The following PTCD3 variants were observed in gnomAD, a reference collection of about 807,000 sequenced individuals.
The protein encoded by PTCD3 is pentatricopeptide repeat domain 3, also known as small ribosomal subunit protein mS39.
In PTCD3, 89 loss-of-function variants were observed where a neutral mutation model predicts 101.9. That is an observed-to-expected ratio of 0.87 (90% CI 0.74 to 1.04). PTCD3 has a LOEUF of 1.04. Among genes scored for constraint, PTCD3 ranks in the 50% least tolerant of loss-of-function variants. The pLI is 0.00. For missense variants in PTCD3, 870 were observed against 828.2 expected (o/e 1.05, Z -0.62); for synonymous variants, 296 against 278.5 (o/e 1.06, Z -0.63).
chr2:86,107,830 C>A (rs1425973963), intron 1 of PTCD3, among the ~76,000 whole-genome samples: 1 of 152,186 alleles, frequency 6.6e-6, no homozygotes, highest in Admixed American at 6.5e-5. Flanking sequence ...CAAGAGCTCA[C>A]TGAATTGTTC....
chr2:86,118,310 C>G (rs369884594), intron 6 of PTCD3, among the ~76,000 whole-genome samples: 25 of 152,232 alleles, frequency 1.6e-4, no homozygotes, highest in African/African-American at 5.8e-4. Context: ...AGTGCTTGTC[C>G]ATACAGTGGT....
At chr2:86,116,682 T>C in intron 5 of PTCD3, 84 bp downstream of exon 5, 1 of 1,043,988 alleles carries the variant, frequency 9.6e-7, no homozygotes, top group South Asian at 1.3e-5. Context: ...TGTAATAACC[T>C]GGGAAAGGTT....
intron 1 of PTCD3, 60 bp downstream of exon 1, chr2:86,106,411 C>A: frequency 6.5e-7 from 1 of 1,530,952 alleles, no homozygotes; most frequent in Non-Finnish European, 8.9e-7. Context: ...TCCTATGTTT[C>A]CCAGCTGGCT....
intron 3 of PTCD3, among the ~76,000 whole-genome samples, chr2:86,110,785 C>T (rs960060150): frequency 3.9e-5 from 6 of 152,078 alleles, no homozygotes; most frequent in Non-Finnish European, 7.4e-5. Context: ...ACAGTAGTCC[C>T]GAAAGCTGCA....
chr2:86,106,868 C>T (rs904851693), intron 1 of PTCD3, among the ~76,000 whole-genome samples: 3 of 152,094 alleles, frequency 2.0e-5, no homozygotes, highest in African/African-American at 7.2e-5. Context: ...ACATGTATGA[C>T]CTATCTGTGT....
At chr2:86,121,657 A>C in intron 8 of PTCD3, 63 bp downstream of exon 8, 1 of 1,073,356 alleles carries the variant, frequency 9.3e-7, no homozygotes, top group South Asian at 1.4e-5. Context: ...AATTGCTTTT[A>C]AAAATAAGAT....
chr2:86,117,639 A>G (rs182249739), intron 6 of PTCD3, among the ~76,000 whole-genome samples: 1 of 151,920 alleles, frequency 6.6e-6, no homozygotes, highest in African/African-American at 2.4e-5. Context: ...TAGTTTTTGT[A>G]GAGAACAGGG....
chr2:86,128,468 C>A (rs1674438683), intron 14 of PTCD3, among the ~76,000 whole-genome samples: 1 of 152,030 alleles, frequency 6.6e-6, no homozygotes, highest in African/African-American at 2.4e-5. Context: ...AACACCATAG[C>A]CACTAGCCAC....
chr2:86,133,781 C>T (rs532992322), intron 19 of PTCD3, among the ~76,000 whole-genome samples: 1 of 152,312 alleles, frequency 6.6e-6, no homozygotes, highest in South Asian at 2.1e-4. Context: ...TTCCTCTGTG[C>T]CAGTGTTGCC....
At chr2:86,126,195 A>G (rs1179354527) in intron 12 of PTCD3, among the ~76,000 whole-genome samples, 1 of 147,668 alleles carries the variant, frequency 6.8e-6, no homozygotes, top group East Asian at 2.0e-4. Context: ...GCACCACTGC[A>G]CTCCAGCCTG....
At chr2:86,115,183 A>G (rs1674157205) in intron 4 of PTCD3, among the ~76,000 whole-genome samples, 1 of 152,218 alleles carries the variant, frequency 6.6e-6, no homozygotes, top group African/African-American at 2.4e-5. Flanking sequence ...GCCAAGGGCC[A>G]GCCTTGGACG....
Position 86,127,955 on chromosome 2 carries a change from A to G in PTCD3, c.1111A>G (p.Thr371Ala), listed in dbSNP as rs1674426094. 1.2e-6 allele frequency: 2 copies of G among 1,610,888 alleles called. No individual in the cohort carries two copies. Among genetic ancestry groups the G allele is most frequent in the South Asian group, 1.1e-5 (1 of 90,998 alleles). The change falls in exon 14 of 24, where the codon ACA becomes GCA. Residue 371 changes from threonine to alanine, a missense_variant. Transcript: ENST00000254630. Reference protein sequence around the residue: ...KAIGIEPSLATYHHIIRLFDQ... With the variant: ...KAIGIEPSLAAYHHIIRLFDQ... ...GGTAATTTGAGAACCCTCGCTTGCA[A>G]CATATCACCATATTATTCGCCTGTT... is the stretch of plus-strand genomic sequence containing the variant.
rs765758914 is a variant in PTCD3 at position 86,137,158 on chromosome 2, A to G, written c.1979+18A>G. The stretch of plus-strand genomic sequence containing the variant: ...GAACAAAAGTAAGTGGTCACCATGA[A>G]GCATAGTTTGTAAAATGGAGACCTT... On this transcript the variant is annotated intron_variant, in intron 23 of 23. Coordinates refer to ENST00000254630, the MANE Select transcript of PTCD3 (RefSeq NM_017952.6). The G allele has an allele frequency of 2.4e-5, 38 of 1,553,316 alleles. No individual in the cohort carries two copies. The highest frequency in any genetic ancestry group is 3.3e-5 in the Non-Finnish European group (38 of 1,151,642).
At chr2:86,122,637 G>T (rs10193712) in intron 8 of PTCD3, among the ~76,000 whole-genome samples, 3 of 152,032 alleles carry the variant, frequency 2.0e-5, no homozygotes, top group Admixed American at 1.3e-4. Flanking sequence ...GCCCAGGATG[G>T]TGTCTTCAAC....
Position 86,139,993 on chromosome 2 carries a change from G to A in PTCD3, c.*2434G>A, listed in dbSNP as rs114301836. On this transcript the variant is annotated 3_prime_UTR_variant, in exon 24 of 24. Coordinates refer to ENST00000254630, the MANE Select transcript of PTCD3 (RefSeq NM_017952.6). ...TTATAGCCATCAAAGTATTCAAGAG[G>A]TTGGATGGCACTCAAAAGATTCTAC... The A allele has an allele frequency of 6.9e-3, 1,046 of 152,252 alleles. 15 individuals carry two copies. Among genetic ancestry groups the A allele is most frequent in the African/African-American group, 0.023 (964 of 41,552 alleles). 9.4% of individuals were successfully genotyped at this position (152,252 alleles called of 1,614,324 possible). A position where few individuals can be genotyped will look rare whatever the true frequency, so the allele number is the denominator to read the frequency against.
At chr2:86,122,223 G>T (rs2104454371) in intron 8 of PTCD3, among the ~76,000 whole-genome samples, 1 of 152,336 alleles carries the variant, frequency 6.6e-6, no homozygotes, top group South Asian at 2.1e-4. Flanking sequence ...TAGAGTAGAT[G>T]TGTTTGGGTA....
chr2:86,109,400 C>T (rs1674033647), intron 3 of PTCD3, among the ~76,000 whole-genome samples: 1 of 88,776 alleles, frequency 1.1e-5, no homozygotes, highest in Admixed American at 1.3e-4. Flanking sequence ...GAGCAAGACT[C>T]CATCTCAAAA....
At chr2:86,110,216 A>G (rs1674050591) in intron 3 of PTCD3, among the ~76,000 whole-genome samples, 1 of 152,266 alleles carries the variant, frequency 6.6e-6, no homozygotes, top group Non-Finnish European at 1.5e-5. Flanking sequence ...GAATGCTGAC[A>G]GATGAGAGAA....
intron 4 of PTCD3, among the ~76,000 whole-genome samples, chr2:86,115,288 G>C (rs1023613123): frequency 3.3e-5 from 5 of 152,128 alleles, no homozygotes; most frequent in African/African-American, 1.2e-4. Flanking sequence ...AGTCACCTTG[G>C]TTATTGTCGT....
Sources: allele counts gnomAD v4.1 joint callset (sites outside exome capture counted in the v4.1 genomes callset), GRCh38; gene constraint gnomAD v4.1.1; transcripts MANE v1.5; gene names NCBI Gene and HGNC (gene_info 2026-07-23, HGNC 2026-07-21).